The following ARSG variants were observed in gnomAD, a reference collection of about 807,000 sequenced individuals.
The protein encoded by ARSG is ASG.
Under a neutral mutation model 50.5 loss-of-function variants are expected in ARSG, and 37 were observed. That is an observed-to-expected ratio of 0.73 (90% CI 0.56 to 0.96). ARSG has a LOEUF of 0.96. Among genes scored for constraint, ARSG ranks in the 50% least tolerant of loss-of-function variants. ARSG has a pLI of 0.00. For synonymous variants in ARSG, 225 were observed against 254.6 expected, an observed-to-expected ratio of 0.88 and a Z score of 1.11; for missense variants, 629 against 675.3, an observed-to-expected ratio of 0.93 and a Z score of 0.76.
At chr17:68,432,391 T>G in the ARSG span, among the ~76,000 whole-genome samples, 67 of 152,232 alleles carry the variant, frequency 4.4e-4, no homozygotes, top group African/African-American at 1.4e-3. Flanking sequence ...CAGAGAAATC[T>G]TGGCACCTCT....
At chr17:68,296,039 T>C (rs907580439) in intron 1 of ARSG, among the ~76,000 whole-genome samples, 11 of 151,846 alleles carry the variant, frequency 7.2e-5, no homozygotes, top group Non-Finnish European at 1.6e-4. Flanking sequence ...ACCACTGCAC[T>C]TCAGCCTGGG....
rs2077745266 is a variant in ARSG, at chr17:68,331,233, GTTT to G, written c.219-12370_219-12368del. On this transcript the variant is annotated intron_variant, in intron 2 of 11. Transcript: ENST00000621439. ...TCTTTCTTTCTTTCTTTCTTTCTTT[GTTT>G]CTTTCTTTCTTTCTTTCTTTCTTTC... 2.7e-4 allele frequency among the ~76,000 whole-genome samples: 23 copies of G among 85,044 alleles called. 1 individual carries two copies. Among genetic ancestry groups the G allele is most frequent in the African/African-American group, 1.2e-3 (23 of 18,790 alleles). 55.8% of individuals were successfully genotyped at this position (85,044 alleles called of 152,430 possible).
In ARSG at chr17:68,271,635, C is replaced by G; in HGVS notation, c.-552+12209C>G. 1.2e-6 allele frequency: 2 copies of G among 1,613,098 alleles called. No homozygotes were observed. The highest frequency in any genetic ancestry group is 1.7e-6 in the Non-Finnish European group (2 of 1,179,082). On this transcript the variant is annotated intron_variant, in intron 1 of 11. Transcript: ENST00000448504. The surrounding 1 kb of genome is among the most constrained non-coding windows in gnomAD (Gnocchi z 5.3). ...GGAGGCTGTATCTCCAGCCAATGCG[C>G]TCCTTCAGAGCCATGATTGCTTGAA...
intron 2 of ARSG, among the ~76,000 whole-genome samples, chr17:68,318,558 C>T (rs1490182758): frequency 6.6e-6 from 1 of 152,204 alleles, no homozygotes; most frequent in Non-Finnish European, 1.5e-5. Flanking sequence ...GAGAGGTGGC[C>T]ACAGGCAGCG....
chr17:68,415,896 G>A (rs117232059), intron 11 of ARSG, among the ~76,000 whole-genome samples: 468 of 152,224 alleles, frequency 3.1e-3, no homozygotes, highest in African/African-American at 6.5e-3. Context: ...TACTTTAAAT[G>A]TATGCGAGTC....
intron 1 of ARSG, among the ~76,000 whole-genome samples, chr17:68,298,561 C>G (rs2076291033): frequency 6.9e-6 from 1 of 145,532 alleles, no homozygotes; most frequent in Non-Finnish European, 1.5e-5. Flanking sequence ...CTCTACTGCC[C>G]TCCAGCCTGG....
chr17:68,395,002 G>A (rs2081170916), intron 9 of ARSG, 71 bp from the exon 10 acceptor site: 10 of 1,594,048 alleles, frequency 6.3e-6, no homozygotes, highest in Non-Finnish European at 8.6e-6. Flanking sequence ...GGTTCAGGTG[G>A]GGGTTGACAC....
At chr17:68,340,264 C>A (rs1188846076) in intron 2 of ARSG, among the ~76,000 whole-genome samples, 1 of 151,960 alleles carries the variant, frequency 6.6e-6, no homozygotes, top group Non-Finnish European at 1.5e-5. Context: ...TCATGGCTTA[C>A]AATCAAATAC....
chr17:68,425,808 C>T (rs983499092), downstream of ARSG: 8 of 388,360 alleles, frequency 2.1e-5, no homozygotes, highest in South Asian at 4.6e-5. Context: ...TCGCAGGCCT[C>T]TGGCTGGAGG....
chr17:68,443,898 A>C, the ARSG span, among the ~76,000 whole-genome samples: 1 of 152,244 alleles, frequency 6.6e-6, no homozygotes, highest in Non-Finnish European at 1.5e-5. Flanking sequence ...TGATGAATTC[A>C]TATAATGTCA....
intron 2 of ARSG, among the ~76,000 whole-genome samples, chr17:68,319,063 T>C (rs1324260895): frequency 1.3e-5 from 2 of 152,128 alleles, no homozygotes; most frequent in African/African-American, 2.4e-5. Context: ...CTGCAGGGGA[T>C]TGTGATGAGG....
chr17:68,260,581 G>C (rs1471437020), intron 1 of ARSG, among the ~76,000 whole-genome samples: 1 of 152,156 alleles, frequency 6.6e-6, no homozygotes, highest in Non-Finnish European at 1.5e-5. Context: ...TCCACCTCCC[G>C]TGGTCAAGTG....
At chr17:68,365,563 AG>A (rs1384970115) in intron 6 of ARSG, among the ~76,000 whole-genome samples, 6 of 152,330 alleles carry the variant, frequency 3.9e-5, no homozygotes, top group Admixed American at 1.3e-4. Context: ...CCTCTGGCTC[AG>A]GGTGCTAATG....
At chr17:68,361,889 C>T (rs1424803404) in intron 6 of ARSG, among the ~76,000 whole-genome samples, 1 of 152,132 alleles carries the variant, frequency 6.6e-6, no homozygotes, top group Non-Finnish European at 1.5e-5. Context: ...ACACTCCAGC[C>T]TGGGCAACAA....
chr17:68,419,762 C>A (rs897229553), intron 11 of ARSG, among the ~76,000 whole-genome samples: 1 of 150,554 alleles, frequency 6.6e-6, no homozygotes, highest in Non-Finnish European at 1.5e-5. Flanking sequence ...GAGTTTGAGA[C>A]CAGCTTGAGG....
chr17:68,296,296 G>T (rs371374505), intron 1 of ARSG, among the ~76,000 whole-genome samples: 3 of 152,190 alleles, frequency 2.0e-5, no homozygotes, highest in Non-Finnish European at 2.9e-5. Flanking sequence ...GTTCCTCAAG[G>T]CCCAATGAAT....
At chr17:68,349,035 C>T (rs976507690) in intron 4 of ARSG, among the ~76,000 whole-genome samples, 1 of 152,174 alleles carries the variant, frequency 6.6e-6, no homozygotes, top group Non-Finnish European at 1.5e-5. Context: ...AGCATGGTGG[C>T]TCACGCCTGT....
At chr17:68,412,333 C>A (rs1001923981) in intron 11 of ARSG, among the ~76,000 whole-genome samples, 1 of 152,092 alleles carries the variant, frequency 6.6e-6, no homozygotes, top group African/African-American at 2.4e-5. Context: ...CAAAATCTCT[C>A]AGCATTTGCT....
At chr17:68,426,727 G>C (rs1450127385), downstream of ARSG, among the ~76,000 whole-genome samples, 2 of 152,092 alleles carry the variant, frequency 1.3e-5, no homozygotes, top group Non-Finnish European at 2.9e-5. Flanking sequence ...TAGAGATGGG[G>C]TTTCACCATG....
Sources: gnomAD v4.1 joint callset for allele counts (sites outside exome capture counted in the v4.1 genomes callset) on GRCh38, gnomAD v4.1.1 for gene constraint, Gnocchi (gnomAD v3.1) non-coding constraint, MANE v1.5 for transcripts, NCBI Gene and HGNC (gene_info 2026-07-23, HGNC 2026-07-21) for gene names.